The following BFSP2 variants were observed in gnomAD, a reference collection of about 807,000 sequenced individuals.
BFSP2 encodes phakinin.
BFSP2 carries 38 observed loss-of-function variants against 44.9 expected under a neutral mutation model. That is an observed-to-expected ratio of 0.85 (90% CI 0.65 to 1.11). BFSP2 has a LOEUF of 1.11. Among genes scored for constraint, BFSP2 ranks in the 50% least tolerant of loss-of-function variants. The pLI is 0.00. For synonymous variants in BFSP2, 197 were observed against 209.9 expected (o/e 0.94, Z 0.53); for missense variants, 525 against 533.0 (o/e 0.99, Z 0.15).
At chr3:133,413,666 C>T (rs1250260630) in intron 1 of BFSP2, among the ~76,000 whole-genome samples, 1 of 151,944 alleles carries the variant, frequency 6.6e-6, no homozygotes, top group Non-Finnish European at 1.5e-5. Flanking sequence ...TGGTTGTAAA[C>T]GAGCTAGTAG....
At chr3:133,452,309 A>C (rs2107928254) in intron 4 of BFSP2, among the ~76,000 whole-genome samples, 1 of 152,322 alleles carries the variant, frequency 6.6e-6, no homozygotes, top group East Asian at 1.9e-4. Flanking sequence ...TCTCCAGCCT[A>C]GAAAACATCC....
At chr3:133,420,949 CAA>C (rs1484522023) in intron 1 of BFSP2, among the ~76,000 whole-genome samples, 5 of 152,240 alleles carry the variant, frequency 3.3e-5, no homozygotes, top group Non-Finnish European at 4.4e-5. Context: ...CTCCTTCCCA[CAA>C]GAGAGGCCCT....
chr3:133,447,460 G>T (rs895279887), intron 2 of BFSP2, 61 bp downstream of exon 2: 3 of 1,539,122 alleles, frequency 1.9e-6, no homozygotes, highest in Non-Finnish European at 2.7e-6. Flanking sequence ...GGCAAGTGTG[G>T]ATAATGCTGT....
At position 133,450,445 on chromosome 3, in the gene BFSP2, G is replaced by A. The variant is rs992864990; in HGVS notation, c.872G>A (p.Gly291Glu). ...RDVEKNRVEA[G>E]ALLQAKQQAE... ...GTTGAAAAGAACCGGGTGGAGGCAG[G>A]AGCCCTGCTCCAAGCTAAGGTGAGA... The change falls in exon 4 of 7, where the codon GGA becomes GAA. Residue 291 changes from glycine to glutamate, a missense_variant. Gly to Glu is a moderately conservative substitution (Grantham distance 98). Coordinates refer to ENST00000302334, the MANE Select transcript of BFSP2 (RefSeq NM_003571.4). 2 of 1,613,968 alleles carry A rather than the reference G, an allele frequency of 1.2e-6. No homozygotes were observed. Among genetic ancestry groups the A allele is most frequent in the African/African-American group, 1.3e-5 (1 of 74,902 alleles).
chr3:133,458,539 CA>C (rs1347806833), intron 4 of BFSP2, among the ~76,000 whole-genome samples: 1 of 151,980 alleles, frequency 6.6e-6, no homozygotes, highest in Non-Finnish European at 1.5e-5. Context: ...ACTAAAAATA[CA>C]AAAAATTAGC....
chr3:133,475,060 C>T lies in BFSP2; in HGVS notation c.*88C>T. 1.3e-6 allele frequency: 2 copies of T among 1,548,092 alleles called. No homozygotes were observed. The highest frequency in any genetic ancestry group is 2.2e-5 in the South Asian group (2 of 89,806). ...GCTTGAGGAGCTTTCTCCTGAGCTC[C>T]AGTCCCTGCTGGATTCCCTGGTTAA... On this transcript the variant is annotated 3_prime_UTR_variant, in exon 7 of 7. Coordinates refer to ENST00000302334, the MANE Select transcript of BFSP2 (RefSeq NM_003571.4).
chr3:133,436,295 C>T (rs1259298921), intron 1 of BFSP2, among the ~76,000 whole-genome samples: 2 of 137,114 alleles, frequency 1.5e-5, no homozygotes, highest in Admixed American at 7.6e-5. Context: ...TGCTGCACTC[C>T]AGCCAGGGTG....
chr3:133,431,103 C>T (rs1346789997), intron 1 of BFSP2, among the ~76,000 whole-genome samples: 2 of 151,968 alleles, frequency 1.3e-5, no homozygotes, highest in African/African-American at 2.4e-5. Flanking sequence ...AACCCTGAGA[C>T]GCTTTACAGC....
At chr3:133,469,722 G>A (rs867896941) in intron 5 of BFSP2, among the ~76,000 whole-genome samples, 64 of 152,360 alleles carry the variant, frequency 4.2e-4, no homozygotes, top group Admixed American at 2.4e-3. Context: ...ATCTCTGGGA[G>A]AACCAGGCAT....
At position 133,447,301 on chromosome 3, in the gene BFSP2, T is replaced by C; in HGVS notation, c.490-16T>C. 1 of 1,613,692 alleles carries C rather than the reference T, an allele frequency of 6.2e-7. No homozygotes were observed. The highest frequency in any genetic ancestry group is 8.5e-7 in the Non-Finnish European group (1 of 1,179,864). On this transcript the variant is annotated splice_polypyrimidine_tract_variant and intron_variant, in intron 1 of 6. Transcript: ENST00000302334. ...CCCAGTGACCTTGTCTCCTTTGGTG[T>C]GTGTGATCGCTCTAGGTGGGTGAGG... is the stretch of plus-strand genomic sequence containing the variant.
At chr3:133,437,804 T>C (rs1056256215) in intron 1 of BFSP2, among the ~76,000 whole-genome samples, 2 of 152,074 alleles carry the variant, frequency 1.3e-5, no homozygotes, top group African/African-American at 4.8e-5. Context: ...AATAATCAAA[T>C]AGCTGGCATT....
intron 4 of BFSP2, among the ~76,000 whole-genome samples, chr3:133,465,198 G>C (rs768416161): frequency 6.6e-6 from 1 of 151,774 alleles, no homozygotes; most frequent in East Asian, 1.9e-4. Context: ...GTAGAGACGG[G>C]TTTTCACCAT....
At chr3:133,462,973 C>T (rs528962797) in intron 4 of BFSP2, among the ~76,000 whole-genome samples, 10 of 152,230 alleles carry the variant, frequency 6.6e-5, no homozygotes, top group African/African-American at 2.2e-4. Context: ...GCAGAAGAGA[C>T]GGAGGCAAGT....
intron 1 of BFSP2, among the ~76,000 whole-genome samples, chr3:133,416,925 T>TG (rs2073539398): frequency 1.8e-5 from 2 of 110,922 alleles, no homozygotes; most frequent in Non-Finnish European, 3.7e-5. Flanking sequence ...TACTCACCCG[T>TG]CCTCTGCCCT....
intron 6 of BFSP2, among the ~76,000 whole-genome samples, chr3:133,472,979 C>G (rs1428033580): frequency 6.7e-6 from 1 of 150,330 alleles, no homozygotes; most frequent in African/African-American, 2.5e-5. Context: ...TACAGGGTCT[C>G]GTCTCGGTAT....
intron 4 of BFSP2, among the ~76,000 whole-genome samples, chr3:133,454,791 C>T (rs1376247253): frequency 6.6e-6 from 1 of 152,214 alleles, no homozygotes; most frequent in Non-Finnish European, 1.5e-5. Context: ...TATAATAACA[C>T]TTGGCTTAAA....
At chr3:133,414,932 C>CAA (rs2107885734) in intron 1 of BFSP2, among the ~76,000 whole-genome samples, 1 of 118,012 alleles carries the variant, frequency 8.5e-6, no homozygotes, top group Non-Finnish European at 1.8e-5. Context: ...CCCCTCTGCT[C>CAA]ACCCCTCTAC....
At chr3:133,433,983 C>G (rs1272011196) in intron 1 of BFSP2, among the ~76,000 whole-genome samples, 1 of 152,238 alleles carries the variant, frequency 6.6e-6, no homozygotes, top group East Asian at 1.9e-4. Flanking sequence ...TCCCTATCTT[C>G]TGTCTAATCA....
intron 1 of BFSP2, among the ~76,000 whole-genome samples, chr3:133,403,293 TCTG>T (rs2073376922): frequency 6.6e-6 from 1 of 152,126 alleles, no homozygotes; most frequent in Non-Finnish European, 1.5e-5. Context: ...GACTCTGGGC[TCTG>T]GTGTTCCGTG....
Sources: allele counts gnomAD v4.1 joint callset (sites outside exome capture counted in the v4.1 genomes callset), GRCh38; gene constraint gnomAD v4.1.1; transcripts MANE v1.5; gene names NCBI Gene and HGNC (gene_info 2026-07-23, HGNC 2026-07-21).